ST18: variants seen among roughly 807,000 people sequenced by gnomAD.
ST18 encodes suppression of tumorigenicity 18 protein.
ST18 carries 50 observed loss-of-function variants against 110.0 expected under a neutral mutation model. That is an observed-to-expected ratio of 0.45 (90% CI 0.36 to 0.58). The LOEUF (loss-of-function observed/expected upper bound fraction) is 0.58. Ranked by LOEUF, ST18 falls within the 20% of genes least tolerant of loss-of-function variation. The pLI, the probability that ST18 is intolerant of heterozygous loss-of-function variation, is 0.00. For missense variants in ST18, 1,306 were observed against 1,280.1 expected (o/e 1.02, Z -0.31); for synonymous variants, 461 against 452.4 (o/e 1.02, Z -0.24).
At chr8:52,332,942 G>A (rs1810289529) in intron 2 of ST18, among the ~76,000 whole-genome samples, 1 of 152,092 alleles carries the variant, frequency 6.6e-6, no homozygotes, top group African/African-American at 2.4e-5. Flanking sequence ...AACCCTGGAG[G>A]ACCTAATTAT....
chr8:52,291,594 C>T (rs1024614638), intron 2 of ST18, among the ~76,000 whole-genome samples: 11 of 152,152 alleles, frequency 7.2e-5, no homozygotes, highest in Admixed American at 5.9e-4. Context: ...AGAACTAAAA[C>T]TGCTCATTAA....
intron 2 of ST18, among the ~76,000 whole-genome samples, chr8:52,299,574 C>A (rs1401633175): frequency 6.6e-6 from 1 of 152,174 alleles, no homozygotes; most frequent in African/African-American, 2.4e-5. Flanking sequence ...TCTGTTATTT[C>A]TCTTATTTCC....
At chr8:52,246,928 C>G (rs28393038) in intron 2 of ST18, among the ~76,000 whole-genome samples, 5,471 of 152,218 alleles carry the variant, frequency 0.036, 309 homozygotes, top group African/African-American at 0.12. Flanking sequence ...AGAACTTATC[C>G]AGGGCACAGA....
At chr8:52,395,129 G>T (rs1165469853) in intron 2 of ST18, among the ~76,000 whole-genome samples, 1 of 152,184 alleles carries the variant, frequency 6.6e-6, no homozygotes, top group Non-Finnish European at 1.5e-5. Flanking sequence ...ACTGGAGTAT[G>T]ACTTTGACTT....
intron 2 of ST18, among the ~76,000 whole-genome samples, chr8:52,273,777 A>G (rs2095151343): frequency 6.6e-6 from 1 of 152,222 alleles, no homozygotes; most frequent in Non-Finnish European, 1.5e-5. Context: ...TTCAAGCTCC[A>G]GTGTATGGAC....
intron 2 of ST18, among the ~76,000 whole-genome samples, chr8:52,351,283 C>A (rs2140318419): frequency 6.6e-6 from 1 of 152,298 alleles, no homozygotes; most frequent in East Asian, 1.9e-4. Flanking sequence ...GTGACACTTC[C>A]TCCAGGAAGC....
chr8:52,341,021 G>A (rs529134496), intron 2 of ST18, among the ~76,000 whole-genome samples: 1 of 152,218 alleles, frequency 6.6e-6, no homozygotes, highest in East Asian at 1.9e-4. Flanking sequence ...GAATGAGATT[G>A]GCAGTTACCC....
intron 2 of ST18, among the ~76,000 whole-genome samples, chr8:52,341,169 C>T (rs1486866173): frequency 6.6e-6 from 1 of 152,164 alleles, no homozygotes; most frequent in African/African-American, 2.4e-5. Context: ...CCATCCACTC[C>T]CCTTAAAAAA....
At chr8:52,289,735 C>T (rs16917635) in intron 2 of ST18, among the ~76,000 whole-genome samples, 8,476 of 152,114 alleles carry the variant, frequency 0.056, 803 homozygotes, top group African/African-American at 0.19. Context: ...ACTCTCTCAC[C>T]CTCCACATTG....
chr8:52,164,123 G>A (rs759533914), intron 12 of ST18, 33 bp from the exon 13 acceptor site: 1 of 1,565,788 alleles, frequency 6.4e-7, no homozygotes, highest in Non-Finnish European at 8.8e-7. Context: ...GAGGATTTTA[G>A]TTAAAATGAT....
At chr8:52,357,243 A>G (rs887092397) in intron 2 of ST18, among the ~76,000 whole-genome samples, 2 of 152,116 alleles carry the variant, frequency 1.3e-5, no homozygotes, top group Admixed American at 6.5e-5. Flanking sequence ...TCTTGTACAC[A>G]AAAGAAAGCA....
At position 52,171,875 on chromosome 8, in the gene ST18, C is replaced by T; in HGVS notation, c.986G>A (p.Arg329Lys). The part of the protein sequence containing the change: ...VFHNTYKELD[R>K]FLLEHLAGER... ...CCCTGCTAGGTGCTCCAGCAGGAAC[C>T]TATCCAGCTCTTTGTAGGTGTTATG... Residue 329 changes from arginine to lysine, a missense_variant, in exon 10 of 26, where the codon AGG becomes AAG. Coordinates refer to ENST00000689386, the MANE Select transcript of ST18 (RefSeq NM_001352837.2). 3 of 1,614,220 alleles carry T rather than the reference C, an allele frequency of 1.9e-6. No homozygotes were observed. The highest frequency in any genetic ancestry group is 1.7e-5 in the Admixed American group (1 of 60,032).
chr8:52,153,074 T>C (rs576800414), intron 15 of ST18, among the ~76,000 whole-genome samples: 8 of 152,364 alleles, frequency 5.3e-5, no homozygotes. Flanking sequence ...CTTGTGGCTA[T>C]TTTCTTCCAT....
chr8:52,329,748 G>A (rs916061202), intron 2 of ST18, among the ~76,000 whole-genome samples: 7 of 152,034 alleles, frequency 4.6e-5, no homozygotes, highest in Non-Finnish European at 5.9e-5. Flanking sequence ...GCCACAGAGC[G>A]AGGCTCTGTC....
intron 2 of ST18, among the ~76,000 whole-genome samples, chr8:52,397,740 C>G (rs142140332): frequency 3.9e-4 from 59 of 152,244 alleles, no homozygotes; most frequent in African/African-American, 1.4e-3. Flanking sequence ...ATACCCTTGT[C>G]AAAAATTAGT....
chr8:52,191,776 G>T (rs1385057300), intron 8 of ST18, among the ~76,000 whole-genome samples: 2 of 152,104 alleles, frequency 1.3e-5, no homozygotes, highest in African/African-American at 4.8e-5. Flanking sequence ...GGAGAGAAAA[G>T]TGCCTGAGGT....
intron 2 of ST18, among the ~76,000 whole-genome samples, chr8:52,275,421 G>T (rs751217274): frequency 4.6e-5 from 7 of 152,162 alleles, no homozygotes; most frequent in Admixed American, 6.5e-5. Flanking sequence ...TATCAACTTT[G>T]AAGCGATTTT....
chr8:52,340,187 C>G (rs1288981725), intron 2 of ST18, among the ~76,000 whole-genome samples: 1 of 152,234 alleles, frequency 6.6e-6, no homozygotes, highest in Non-Finnish European at 1.5e-5. Context: ...TTCAGCCAGA[C>G]CCTGAGCCTC....
intron 17 of ST18, among the ~76,000 whole-genome samples, chr8:52,140,860 A>C (rs553733707): frequency 6.6e-6 from 1 of 152,268 alleles, no homozygotes; most frequent in African/African-American, 2.4e-5. Context: ...CAAAGGATAA[A>C]ATTTTGCCAT....
Sources: gnomAD v4.1 joint callset for allele counts (sites outside exome capture counted in the v4.1 genomes callset) on GRCh38, gnomAD v4.1.1 for gene constraint, MANE v1.5 for transcripts, NCBI Gene and HGNC (gene_info 2026-07-23, HGNC 2026-07-21) for gene names.